ARHGAP22: variants seen among roughly 807,000 people sequenced by gnomAD.
ARHGAP22 encodes rho GTPase-activating protein 22.
Under a neutral mutation model 59.1 loss-of-function variants are expected in ARHGAP22, and 48 were observed. That is an observed-to-expected ratio of 0.81 (90% confidence interval 0.64 to 1.03). ARHGAP22 has a LOEUF of 1.03. ARHGAP22 is among the 50% of genes least tolerant of loss of function. ARHGAP22 has a pLI of 0.00. For missense variants in ARHGAP22, 1,015 were observed against 958.7 expected (o/e 1.06, Z -0.78); for synonymous variants, 445 against 416.4 (o/e 1.07, Z -0.84).
intron 4 of ARHGAP22, among the ~76,000 whole-genome samples, chr10:48,466,997 C>T (rs905468252): frequency 3.3e-5 from 5 of 152,216 alleles, no homozygotes; most frequent in African/African-American, 1.2e-4. Flanking sequence ...CCAGGTGAGG[C>T]AATGGAGGTC....
intron 1 of ARHGAP22, among the ~76,000 whole-genome samples, chr10:48,610,623 G>A (rs4838632): frequency 0.24 from 36,238 of 152,108 alleles, 4,466 homozygotes; most frequent in Non-Finnish European, 0.26. Context: ...CAGATGCTGA[G>A]GTAAGAGTTT....
In ARHGAP22 at chr10:48,611,316, G is replaced by A. The variant is rs1051245961; in HGVS notation, c.53-28164C>T. Among the ~76,000 whole-genome samples the A allele has an allele frequency of 2.0e-5, 3 of 152,166 alleles. No individual in the cohort carries two copies. The South Asian group carries it at 6.2e-4, about 32-fold the overall frequency. ...CCTGCTTACAGGAGTTAGAGGCTGA[G>A]ACGAAAGAGTGAAACATGTCCTTGC... On this transcript the variant is annotated intron_variant, in intron 1 of 9. Transcript: ENST00000435790.
chr10:48,442,788 G>A (rs775788355), downstream of ARHGAP22, among the ~76,000 whole-genome samples: 5 of 152,110 alleles, frequency 3.3e-5, no homozygotes, highest in Non-Finnish European at 4.4e-5. Flanking sequence ...AGAAAAACAC[G>A]TCTCTACCAG....
At chr10:48,576,902 T>TGCCCCCCCCCCCCCCCCCCCCC (rs2058745563) in intron 2 of ARHGAP22, among the ~76,000 whole-genome samples, 1 of 141,354 alleles carries the variant, frequency 7.1e-6, no homozygotes, top group African/African-American at 2.6e-5. Flanking sequence ...CACTCACCCA[T>TGCCCCCCCCCCCCCCCCCCCCC]CCCTCCCCAC....
chr10:48,493,333 C>T (rs925104976), intron 3 of ARHGAP22: 52 of 1,181,040 alleles, frequency 4.4e-5, no homozygotes, highest in Middle Eastern at 3.8e-4. Flanking sequence ...TTCTCTTTAC[C>T]TGGTTGCGGC....
chr10:48,486,442 G>A (rs2049868215), intron 3 of ARHGAP22, among the ~76,000 whole-genome samples: 1 of 151,978 alleles, frequency 6.6e-6, no homozygotes, highest in Admixed American at 6.6e-5. Context: ...CTGGGTTCAA[G>A]CAATTCTCCC....
chr10:48,574,689 G>A (rs1172462738), intron 2 of ARHGAP22: 1 of 152,266 alleles, frequency 6.6e-6, no homozygotes. Flanking sequence ...GATAGAGCCA[G>A]CCAAAGGTGT....
intron 2 of ARHGAP22, among the ~76,000 whole-genome samples, chr10:48,563,622 A>C (rs1482115965): frequency 6.6e-6 from 1 of 152,178 alleles, no homozygotes; most frequent in Admixed American, 6.5e-5. Context: ...TCTTTCGGGG[A>C]GCCATTATTC....
At chr10:48,607,309 G>A (rs1294236285), upstream of ARHGAP22, among the ~76,000 whole-genome samples, 1 of 152,162 alleles carries the variant, frequency 6.6e-6, no homozygotes, top group Non-Finnish European at 1.5e-5. Context: ...ATCAGAGCTG[G>A]GCTCACACCC....
downstream of ARHGAP22, chr10:48,444,953 C>T (rs1212084827): frequency 6.6e-6 from 1 of 152,242 alleles, no homozygotes; most frequent in African/African-American, 2.4e-5. Flanking sequence ...AGACAGACGC[C>T]ACTCTCCCCA....
At chr10:48,455,918 C>T (rs1481793737) in intron 5 of ARHGAP22, among the ~76,000 whole-genome samples, 1 of 152,208 alleles carries the variant, frequency 6.6e-6, no homozygotes, top group African/African-American at 2.4e-5. Flanking sequence ...AGCTCATCAC[C>T]CCCTCTCCAG....
intron 1 of ARHGAP22, among the ~76,000 whole-genome samples, chr10:48,638,400 TTG>T (rs148218697): frequency 3.3e-5 from 5 of 151,314 alleles, no homozygotes; most frequent in Non-Finnish European, 3.0e-5. Flanking sequence ...AGTGTGTGTG[TTG>T]TGTGTGTGTG....
At chr10:48,505,194 C>T (rs1343374757) in intron 3 of ARHGAP22, among the ~76,000 whole-genome samples, 3 of 152,178 alleles carry the variant, frequency 2.0e-5, no homozygotes, top group African/African-American at 7.2e-5. Flanking sequence ...GCTGGGATTA[C>T]AGGTGGCTGT....
At chr10:48,638,138 A>G (rs1451738099) in intron 1 of ARHGAP22, among the ~76,000 whole-genome samples, 2 of 152,190 alleles carry the variant, frequency 1.3e-5, no homozygotes, top group African/African-American at 4.8e-5. Context: ...TTCCCCTAAC[A>G]GAAACTACAG....
chr10:48,555,305 G>A (rs1303561601), intron 3 of ARHGAP22, among the ~76,000 whole-genome samples, 158 bp downstream of exon 3: 1 of 152,234 alleles, frequency 6.6e-6, no homozygotes, highest in African/African-American at 2.4e-5. Flanking sequence ...TCTTCCCCAT[G>A]TGAGTATGCT....
chr10:48,561,964 C>T (rs4838624), intron 2 of ARHGAP22, among the ~76,000 whole-genome samples: 19,635 of 152,146 alleles, frequency 0.13, 2,388 homozygotes, highest in African/African-American at 0.32. Flanking sequence ...CAGTGGCTCA[C>T]GCCTGTAATC....
chr10:48,434,451 T>C, the ARHGAP22 span, among the ~76,000 whole-genome samples: 1 of 152,340 alleles, frequency 6.6e-6, no homozygotes, highest in African/African-American at 2.4e-5. Context: ...GTAAAGACTT[T>C]TTTGTAGGGA....
the ARHGAP22 span, chr10:48,438,181 AT>A: frequency 1.3e-5 from 2 of 152,246 alleles, no homozygotes; most frequent in African/African-American, 4.8e-5. Context: ...ATGAAGCCCC[AT>A]GACACCAGTA....
At chr10:48,597,764 G>T (rs1379153331) in intron 1 of ARHGAP22, among the ~76,000 whole-genome samples, 1 of 152,124 alleles carries the variant, frequency 6.6e-6, no homozygotes, top group Admixed American at 6.5e-5. Flanking sequence ...CAAGAGCCTG[G>T]GATCGGTAAA....
Sources: gnomAD v4.1 joint callset for allele counts (sites outside exome capture counted in the v4.1 genomes callset) on GRCh38, gnomAD v4.1.1 for gene constraint, MANE v1.5 for transcripts, NCBI Gene and HGNC (gene_info 2026-07-23, HGNC 2026-07-21) for gene names.